Variants in ZBTB21 observed in about 807,000 individuals in gnomAD.
ZBTB21 encodes zinc finger and BTB domain-containing protein 21.
In ZBTB21, 10 loss-of-function variants were observed where a neutral mutation model predicts 39.8. That is an observed-to-expected ratio of 0.25 (90% CI 0.16 to 0.43). ZBTB21 has a LOEUF of 0.43. Among genes scored for constraint, ZBTB21 ranks in the 20% least tolerant of loss-of-function variants. The probability of loss-of-function intolerance (pLI) is 1.00; values close to 1 mark genes in which losing one functional copy is unlikely to be tolerated. For missense variants in ZBTB21, 1,221 were observed against 1,296.3 expected, an observed-to-expected ratio of 0.94 and a Z score of 0.89; for synonymous variants, 551 against 498.8, an observed-to-expected ratio of 1.10 and a Z score of -1.40.
intron 2 of ZBTB21, among the ~76,000 whole-genome samples, chr21:41,998,638 C>A (rs2065781120): frequency 6.6e-6 from 1 of 152,214 alleles, no homozygotes; most frequent in Non-Finnish European, 1.5e-5. Context: ...TTGACCCCAG[C>A]TCATTTGTAG....
At position 41,991,510 on chromosome 21, in the gene ZBTB21, A is replaced by G; in HGVS notation, c.2586T>C (p.Ser862=). The change falls in exon 3 of 3, where the codon TCT becomes TCC. Residue 862 remains serine, a synonymous_variant. Transcript: ENST00000310826. This position sits in a 1 kb window ranked among gnomAD's most constrained non-coding sequence, Gnocchi z 4.9. ...AAAGACTAAGGTCTTCGGGAAGACA[A>G]GAGGAATCTTCCGAGTCGAAGTTAA... ...EQVNFDSEDS[S]CLPEDLSLSK... 6.2e-7 allele frequency: 1 copy of G among 1,614,186 alleles called. No individual in the cohort carries two copies. Among genetic ancestry groups the G allele is most frequent in the Non-Finnish European group, 8.5e-7 (1 of 1,180,034 alleles).
chr21:41,991,618 G>A lies in ZBTB21; in HGVS notation c.2478C>T (p.Pro826=), dbSNP rs772866534. 6.2e-7 allele frequency: 1 copy of A among 1,614,148 alleles called. No individual in the cohort carries two copies. Among genetic ancestry groups the A allele is most frequent in the Admixed American group, 1.7e-5 (1 of 60,016 alleles). Reference sequence around the variant, plus strand: ...CTTTGTTGGGCTCAGGCTGGGATTGGGGCCTTGAAGAACCAGTCACATCAC... The same window carrying A: ...CTTTGTTGGGCTCAGGCTGGGATTGAGGCCTTGAAGAACCAGTCACATCAC... ...HNGDVTGSSR[P]QSQPEPNKVN... The change falls in exon 3 of 3, where the codon CCC becomes CCT. Residue 826 remains proline (P), a synonymous_variant. Coordinates refer to ENST00000310826, the MANE Select transcript of ZBTB21 (RefSeq NM_001098402.2). This position sits in a 1 kb window ranked among gnomAD's most constrained non-coding sequence, Gnocchi z 4.9.
rs538807540 is a variant in ZBTB21 at position 42,008,950 on chromosome 21, C to T, written c.-79+1302G>A. Among the ~76,000 whole-genome samples the T allele has an allele frequency of 1.2e-3, 176 of 152,288 alleles. 1 individual carries two copies. Among genetic ancestry groups the T allele is most frequent in the Non-Finnish European group, 2.2e-3 (152 of 68,032 alleles). On this transcript the variant is annotated intron_variant, in intron 1 of 2. Coordinates refer to ENST00000310826, the MANE Select transcript of ZBTB21 (RefSeq NM_001098402.2). The stretch of plus-strand genomic sequence containing the variant: ...GAGGAAAGCTTTAAAAGATAATTTT[C>T]CATGAGAAATCTTTCTAAAATGGAT...
rs150447458 is a variant in ZBTB21, at chr21:41,993,038, T to C, written c.1058A>G (p.Tyr353Cys). The C allele has an allele frequency of 2.7e-5, 44 of 1,614,082 alleles. No homozygotes were observed. The Admixed American group carries it at 5.0e-4, about 18-fold the overall frequency. ...AGATTTCAAATCTATGGAAGGTGAATAGACAGGAACCTGGCTATCCATCGA... is the reference window on the plus strand; with the variant it reads ...AGATTTCAAATCTATGGAAGGTGAACAGACAGGAACCTGGCTATCCATCGA... Reference protein sequence around the residue: ...SLSMDSQVPVYSPSIDLKSSQ... With the variant: ...SLSMDSQVPVCSPSIDLKSSQ... Residue 353 changes from tyrosine to cysteine, a missense_variant, in exon 3 of 3, where the codon TAT (tyrosine) becomes TGT (cysteine). Physicochemically the swap from Tyr to Cys is radical, Grantham distance 194. Coordinates refer to ENST00000310826, the MANE Select transcript of ZBTB21 (RefSeq NM_001098402.2).
chr21:41,993,578 G>T lies in ZBTB21; in HGVS notation c.518C>A (p.Thr173Asn), dbSNP rs1327210036. 1.9e-6 allele frequency: 3 copies of T among 1,614,282 alleles called. No individual in the cohort carries two copies. Among genetic ancestry groups the T allele is most frequent in the Non-Finnish European group, 2.5e-6 (3 of 1,180,054 alleles). ...VSQNQPDVSH[T>N]SRPSPSIAVK... ...TGCAATGCTAGGAGAGGGCCGGGAA[G>T]TATGGCTTACATCGGGTTGATTTTG... is the stretch of plus-strand genomic sequence containing the variant. Residue 173 changes from threonine (T) to asparagine (N), a missense_variant, in exon 3 of 3, where the codon ACT (threonine) becomes AAT (asparagine). Physicochemically the swap from Thr to Asn is moderately conservative, Grantham distance 65. Around this residue, in one of 4 missense-constraint regions of ZBTB21, gnomAD observed 500 missense variants for 465.6 expected, o/e 1.07. Coordinates refer to ENST00000310826, the MANE Select transcript of ZBTB21 (RefSeq NM_001098402.2).
intron 2 of ZBTB21, among the ~76,000 whole-genome samples, chr21:41,997,818 T>G (rs1295918736): frequency 1.3e-5 from 2 of 152,034 alleles, no homozygotes; most frequent in African/African-American, 4.8e-5. Context: ...GGAGGCCTAG[T>G]GGTAGAGTGC....
In ZBTB21 at chr21:41,991,447, C is replaced by T. The variant is rs2065653383; in HGVS notation, c.2649G>A (p.Val883=). 4 of 1,612,258 alleles carry T rather than the reference C, an allele frequency of 2.5e-6. No homozygotes were observed. In the East Asian group the frequency reaches 6.7e-5, roughly 27 times the overall value. The change falls in exon 3 of 3, where the codon GTG becomes GTA. Residue 883 remains valine, a synonymous_variant. Coordinates refer to ENST00000310826, the MANE Select transcript of ZBTB21 (RefSeq NM_001098402.2). This position sits in a 1 kb window ranked among gnomAD's most constrained non-coding sequence, Gnocchi z 4.9. ...CGGGTGCCTCTTCTTCAGCCTCCTC[C>T]ACAGGCTCCTCTTTGACTTGGATTT... ...QLKIQVKEEP[V]EEAEEEAPEA... is the part of the protein sequence containing the mutation.
At position 41,991,952 on chromosome 21, in the gene ZBTB21, G is replaced by T. The variant is rs148103348; in HGVS notation, c.2144C>A (p.Pro715Gln). 21 of 1,613,968 alleles carry T rather than the reference G, an allele frequency of 1.3e-5. No homozygotes were observed. The highest frequency in any genetic ancestry group is 1.7e-5 in the Non-Finnish European group (20 of 1,180,032). ...KPKEHAPLAS[P>Q]VENKEVYQCR... is the part of the protein sequence containing the mutation. ...CTGGTAAACCTCCTTGTTTTCTACTGGACTTGCAAGAGGAGCATGCTCTTT... is the reference window on the plus strand; with the variant it reads ...CTGGTAAACCTCCTTGTTTTCTACTTGACTTGCAAGAGGAGCATGCTCTTT... The change falls in exon 3 of 3, where the codon CCA becomes CAA. Residue 715 changes from proline to glutamine, a missense_variant. Pro to Gln is a moderately conservative substitution (Grantham distance 76, BLOSUM62 -1). Coordinates refer to ENST00000310826, the MANE Select transcript of ZBTB21 (RefSeq NM_001098402.2). The surrounding 1 kb of genome is among the most constrained non-coding windows in gnomAD (Gnocchi z 4.9).
chr21:42,006,772 G>GT (rs759870763), intron 1 of ZBTB21, among the ~76,000 whole-genome samples: 2 of 152,206 alleles, frequency 1.3e-5, no homozygotes, highest in African/African-American at 2.4e-5. Context: ...AGGTAATTAA[G>GT]TTAAAATGAG....
chr21:41,992,276 G>A lies in ZBTB21; in HGVS notation c.1820C>T (p.Ala607Val). Residue 607 changes from alanine to valine, a missense_variant, in exon 3 of 3, where the codon GCC becomes GTC. Around this residue, in one of 4 missense-constraint regions of ZBTB21, gnomAD observed 90 missense variants for 133.1 expected, o/e 0.68. Coordinates refer to ENST00000310826, the MANE Select transcript of ZBTB21 (RefSeq NM_001098402.2). This position sits in a 1 kb window ranked among gnomAD's most constrained non-coding sequence, Gnocchi z 4.1. ...ATCCAAAACAGCATGTGAACTAGAGGCTGGTGATGGGTTCTTCACTATGCC... is the reference window on the plus strand; with the variant it reads ...ATCCAAAACAGCATGTGAACTAGAGACTGGTGATGGGTTCTTCACTATGCC... ...QHGIVKNPSPASSSHAVLDEK... is the reference protein window; with the variant it reads ...QHGIVKNPSPVSSSHAVLDEK... 1 of 1,614,142 alleles carries A rather than the reference G, an allele frequency of 6.2e-7. No homozygotes were observed. Among genetic ancestry groups the A allele is most frequent in the East Asian group, 2.2e-5 (1 of 44,866 alleles).
chr21:41,993,611 G>C lies in ZBTB21; in HGVS notation c.485C>G (p.Thr162Ser). ...CQSRNEAQGKTVSQNQPDVSH... is the reference protein window; with the variant it reads ...CQSRNEAQGKSVSQNQPDVSH... The stretch of plus-strand genomic sequence containing the variant: ...TACATCGGGTTGATTTTGACTAACA[G>C]TTTTTCCTTGCGCTTCGTTTCTACT... Residue 162 changes from threonine to serine, a missense_variant, in exon 3 of 3, where the codon ACT becomes AGT. Thr to Ser is a moderately conservative substitution (Grantham distance 58). Transcript: ENST00000310826. 6.2e-7 allele frequency: 1 copy of C among 1,614,196 alleles called. No individual in the cohort carries two copies. The highest frequency in any genetic ancestry group is 8.5e-7 in the Non-Finnish European group (1 of 1,180,030).
At position 41,991,999 on chromosome 21, in the gene ZBTB21, T is replaced by G; in HGVS notation, c.2097A>C (p.Gly699=). The G allele has an allele frequency of 1.2e-6, 2 of 1,614,222 alleles. No individual in the cohort carries two copies. Among genetic ancestry groups the G allele is most frequent in the Middle Eastern group, 1.6e-4 (1 of 6,062 alleles). Residue 699 remains glycine (G), a synonymous_variant, in exon 3 of 3, where the codon GGA becomes GGC. Transcript: ENST00000310826. The surrounding 1 kb of genome is among the most constrained non-coding windows in gnomAD (Gnocchi z 4.9). ...CTTTTGGTTTAGCAACTTTATTTAC[T>G]CCAAGGGGTTTTTCTCCTGGATGCA... ...IKMHPGEKPL[G]VNKVAKPKEH... is the part of the protein sequence containing the mutation.
rs1194713846 is a variant in ZBTB21 at position 41,989,588 on chromosome 21, A to C, written c.*1307T>G. The C allele has an allele frequency of 1.3e-5, 2 of 152,168 alleles. No homozygotes were observed. 9.4% of individuals were successfully genotyped at this position (152,168 alleles called of 1,614,324 possible). On this transcript the variant is annotated 3_prime_UTR_variant, in exon 3 of 3. Coordinates refer to ENST00000310826, the MANE Select transcript of ZBTB21 (RefSeq NM_001098402.2). ...ATCCTACTGAAAGGCTTTCAATTACAAATTATACATAGTATTCTTTGAAAA... is the reference window on the plus strand; with the variant it reads ...ATCCTACTGAAAGGCTTTCAATTACCAATTATACATAGTATTCTTTGAAAA...
In ZBTB21 at chr21:41,987,304, A is replaced by T. The variant is rs1029736893; in HGVS notation, c.*3591T>A. The T allele has an allele frequency of 6.6e-6, 1 of 152,296 alleles. No homozygotes were observed. The highest frequency in any genetic ancestry group is 1.9e-4 in the East Asian group (1 of 5,192). 9.4% of individuals were successfully genotyped at this position (152,296 alleles called of 1,614,324 possible). A position where few individuals can be genotyped will look rare whatever the true frequency, so the allele number is the denominator to read the frequency against. On this transcript the variant is annotated 3_prime_UTR_variant, in exon 3 of 3. Coordinates refer to ENST00000310826, the MANE Select transcript of ZBTB21 (RefSeq NM_001098402.2). ...TGTAACTCATTTTTTCTCCTCCAGAATCTAAACACCAATTTTGTCTTCTCC... is the reference window on the plus strand; with the variant it reads ...TGTAACTCATTTTTTCTCCTCCAGATTCTAAACACCAATTTTGTCTTCTCC...
In ZBTB21 at chr21:41,987,878, T is replaced by TA. The variant is rs779024477; in HGVS notation, c.*3016dup. On this transcript the variant is annotated 3_prime_UTR_variant, in exon 3 of 3. Coordinates refer to ENST00000310826, the MANE Select transcript of ZBTB21 (RefSeq NM_001098402.2). ...CATTTTATTCCTGTTTCACAGCAGC[T>TA]ACTCTCATTAGCACCAATGGGACTA... The TA allele has an allele frequency of 2.8e-4, 42 of 152,314 alleles. No homozygotes were observed. Among genetic ancestry groups the TA allele is most frequent in the African/African-American group, 3.4e-4 (14 of 41,568 alleles). The allele number at this position is 152,314 out of a possible 1,614,324, so 9.4% of individuals were successfully genotyped here. A position where few individuals can be genotyped will look rare whatever the true frequency, so the allele number is the denominator to read the frequency against.
At position 41,994,108 on chromosome 21, in the gene ZBTB21, T is replaced by C. The variant is rs774656366; in HGVS notation, c.-13A>G. On this transcript the variant is annotated splice_region_variant and 5_prime_UTR_variant, in exon 3 of 3. Transcript: ENST00000310826. Reference sequence around the variant, plus strand: ...GTAATCCCTCCATGGCTTGAGTTTATCTAAAAGACAAAATGTAAAATTACT... The same window carrying C: ...GTAATCCCTCCATGGCTTGAGTTTACCTAAAAGACAAAATGTAAAATTACT... 1.9e-6 allele frequency: 3 copies of C among 1,551,534 alleles called. No homozygotes were observed. Among genetic ancestry groups the C allele is most frequent in the South Asian group, 2.4e-5 (2 of 82,216 alleles).
In ZBTB21 at chr21:41,993,302, C is replaced by T. The variant is rs746468965; in HGVS notation, c.794G>A (p.Gly265Glu). ...CTTCAAAGCCAGCTCTAGAGCTTTT[C>T]CTTTTGGAAGCTGACCACTCACACC... is the stretch of plus-strand genomic sequence containing the variant. Reference protein sequence around the residue: ...KPGVSGQLPKGKALELALKRP... With the variant: ...KPGVSGQLPKEKALELALKRP... The change falls in exon 3 of 3, where the codon GGA becomes GAA. Residue 265 changes from glycine (G) to glutamate (E), a missense_variant. Physicochemically the swap from Gly to Glu is moderately conservative, Grantham distance 98. Coordinates refer to ENST00000310826, the MANE Select transcript of ZBTB21 (RefSeq NM_001098402.2). 2 of 1,613,194 alleles carry T rather than the reference C, an allele frequency of 1.2e-6. No individual in the cohort carries two copies. The highest frequency in any genetic ancestry group is 3.3e-5 in the Admixed American group (2 of 59,996).
rs1003933070 is a variant in ZBTB21, at chr21:41,987,523, T to C, written c.*3372A>G. On this transcript the variant is annotated 3_prime_UTR_variant, in exon 3 of 3. Coordinates refer to ENST00000310826, the MANE Select transcript of ZBTB21 (RefSeq NM_001098402.2). ...TTTTAAAGAGTACGTGTCAGCATTATTTAAATCAATAATGCATTTCACAAT... is the reference window on the plus strand; with the variant it reads ...TTTTAAAGAGTACGTGTCAGCATTACTTAAATCAATAATGCATTTCACAAT... 6.6e-6 allele frequency: 1 copy of C among 152,240 alleles called. No homozygotes were observed. The highest frequency in any genetic ancestry group is 2.1e-4 in the South Asian group (1 of 4,834). 9.4% of individuals were successfully genotyped at this position (152,240 alleles called of 1,614,324 possible).
At position 41,992,943 on chromosome 21, in the gene ZBTB21, A is replaced by T. The variant is rs773435350; in HGVS notation, c.1153T>A (p.Ser385Thr). 1 of 1,614,206 alleles carries T rather than the reference A, an allele frequency of 6.2e-7. No individual in the cohort carries two copies. The highest frequency in any genetic ancestry group is 1.1e-5 in the South Asian group (1 of 91,084). ...NVLCALSQKSSLKDCSEKTAL... is the reference protein window; with the variant it reads ...NVLCALSQKSTLKDCSEKTAL... ...GTTTTTTCACTACAATCTTTTAAAG[A>T]TGACTTCTGAGATAAAGCACACAAC... The change falls in exon 3 of 3, where the codon TCT (serine) becomes ACT (threonine). Residue 385 changes from serine (S) to threonine (T), a missense_variant. By Grantham distance (58) the Ser-to-Thr change is moderately conservative. Transcript: ENST00000310826. The surrounding 1 kb of genome is among the most constrained non-coding windows in gnomAD (Gnocchi z 4.1).
Sources: gnomAD v4.1 joint callset for allele counts (sites outside exome capture counted in the v4.1 genomes callset) on GRCh38, gnomAD v4.1.1 for gene constraint, gnomAD v4.1.1 regional missense constraint, Gnocchi (gnomAD v3.1) non-coding constraint, MANE v1.5 for transcripts, NCBI Gene and HGNC (gene_info 2026-07-23, HGNC 2026-07-21) for gene names.